PSMD1: variants seen among roughly 807,000 people sequenced by gnomAD.
The protein encoded by PSMD1 is 26S proteasome non-ATPase regulatory subunit 1.
In PSMD1, 18 loss-of-function variants were observed where a neutral mutation model predicts 119.0. The observed-to-expected ratio is 0.15, with a 90% CI of 0.10 to 0.22. PSMD1 has a LOEUF of 0.22. Among genes scored for constraint, PSMD1 ranks in the 10% least tolerant of loss-of-function variants. PSMD1 has a pLI of 1.00. For synonymous variants in PSMD1, 374 were observed against 396.6 expected (o/e 0.94, Z 0.68); for missense variants, 702 against 1,158.5 (o/e 0.61, Z 5.72).
At chr2:231,076,863 A>G (rs1241286237) in intron 8 of PSMD1, among the ~76,000 whole-genome samples, 171 bp from the exon 9 acceptor site, 1 of 152,222 alleles carries the variant, frequency 6.6e-6, no homozygotes, top group African/African-American at 2.4e-5. Context: ...GTATTCTTCC[A>G]TCAAGCTAGT....
chr2:231,120,539 G>A (rs531138794), intron 16 of PSMD1, among the ~76,000 whole-genome samples: 56 of 152,312 alleles, frequency 3.7e-4, no homozygotes, highest in Non-Finnish European at 6.3e-4. Context: ...TCATTTGAAA[G>A]ACAATGTTGT....
chr2:231,085,660 C>T (rs900478090), intron 15 of PSMD1, among the ~76,000 whole-genome samples: 3 of 151,242 alleles, frequency 2.0e-5, no homozygotes, highest in Non-Finnish European at 4.4e-5. Flanking sequence ...CCCCACACCC[C>T]GGGACCCCTA....
chr2:231,099,833 G>A (rs1378912400), intron 16 of PSMD1, among the ~76,000 whole-genome samples: 2 of 152,116 alleles, frequency 1.3e-5, no homozygotes, highest in African/African-American at 4.8e-5. Flanking sequence ...CGACCAAGGA[G>A]TAGTTCACTG....
At chr2:231,138,162 T>C (rs961008940) in intron 16 of PSMD1, among the ~76,000 whole-genome samples, 2 of 152,236 alleles carry the variant, frequency 1.3e-5, no homozygotes, top group Admixed American at 1.3e-4. Context: ...CTATTTTTTA[T>C]CTTGTTGCAA....
At chr2:231,063,517 T>TA (rs979345023) in intron 4 of PSMD1, among the ~76,000 whole-genome samples, 2 of 152,224 alleles carry the variant, frequency 1.3e-5, no homozygotes, top group African/African-American at 4.8e-5. Context: ...CTTGAACACT[T>TA]ACAAGGAGGA....
At chr2:231,160,914 A>C (rs1696623813) in intron 19 of PSMD1, among the ~76,000 whole-genome samples, 1 of 152,174 alleles carries the variant, frequency 6.6e-6, no homozygotes, top group African/African-American at 2.4e-5. Context: ...AGCACTTACA[A>C]ATCTTTATTA....
intron 9 of PSMD1, among the ~76,000 whole-genome samples, chr2:231,077,613 G>A (rs1694200741): frequency 6.6e-6 from 1 of 151,956 alleles, no homozygotes; most frequent in African/African-American, 2.4e-5. Flanking sequence ...ATCTCCTTGA[G>A]AGCAGCGATT....
intron 19 of PSMD1, among the ~76,000 whole-genome samples, chr2:231,160,092 T>C (rs909621969): frequency 2.0e-5 from 3 of 152,204 alleles, no homozygotes; most frequent in Non-Finnish European, 4.4e-5. Flanking sequence ...TTCCAGGCCA[T>C]ATATTCTCCC....
intron 23 of PSMD1, among the ~76,000 whole-genome samples, chr2:231,168,992 C>G (rs556929534): frequency 6.6e-6 from 1 of 152,152 alleles, no homozygotes; most frequent in Admixed American, 6.5e-5. Context: ...TTGCCTATAT[C>G]TACAGTTGTA....
chr2:231,161,316 C>G (rs923966180), intron 19 of PSMD1, 24 bp from the exon 20 acceptor site: 3 of 1,561,070 alleles, frequency 1.9e-6, no homozygotes, highest in Non-Finnish European at 2.6e-6. Flanking sequence ...TATTATTGTT[C>G]ATGGTTTCTC....
chr2:231,163,810 T>TAAAAC, intron 21 of PSMD1, 83 bp downstream of exon 21: 1 of 1,013,992 alleles, frequency 9.9e-7, no homozygotes, highest in Non-Finnish European at 1.5e-6. Flanking sequence ...AACTATCTTT[T>TAAAAC]ATGTTTTAAA....
chr2:231,143,997 A>AT (rs1559248630), intron 17 of PSMD1, among the ~76,000 whole-genome samples: 1 of 152,092 alleles, frequency 6.6e-6, no homozygotes, highest in African/African-American at 2.4e-5. Context: ...TTGTTTGTTT[A>AT]TTTTTTTGTC....
At chr2:231,103,573 T>C (rs922293557) in intron 16 of PSMD1, among the ~76,000 whole-genome samples, 1 of 152,248 alleles carries the variant, frequency 6.6e-6, no homozygotes, top group Non-Finnish European at 1.5e-5. Context: ...CTATCTCTTC[T>C]TTTCTCTTTT....
chr2:231,168,578 T>A lies in PSMD1; in HGVS notation c.2716-1988T>A, dbSNP rs147142122. Among the ~76,000 whole-genome samples, 192 of 152,314 alleles carry A rather than the reference T, an allele frequency of 1.3e-3. 1 individual carries two copies. The highest frequency in any genetic ancestry group is 4.3e-3 in the African/African-American group (180 of 41,574). Reference sequence around the variant, plus strand: ...ACTGCATATGGTCTGGTTCCCTTTATGTGAAACATTCAGAAAAGGCAAATC... The same window carrying A: ...ACTGCATATGGTCTGGTTCCCTTTAAGTGAAACATTCAGAAAAGGCAAATC... On this transcript the variant is annotated intron_variant, in intron 23 of 24. Coordinates refer to ENST00000308696, the MANE Select transcript of PSMD1 (RefSeq NM_002807.4).
intron 16 of PSMD1, among the ~76,000 whole-genome samples, chr2:231,105,547 C>T (rs1043225823): frequency 6.6e-6 from 1 of 151,690 alleles, no homozygotes; most frequent in Non-Finnish European, 1.5e-5. Flanking sequence ...CTGATATGGA[C>T]ATTTCTTAAA....
At chr2:231,102,386 T>TA (rs1694888845) in intron 16 of PSMD1, among the ~76,000 whole-genome samples, 2 of 152,306 alleles carry the variant, frequency 1.3e-5, no homozygotes, top group East Asian at 3.9e-4. Flanking sequence ...CCACAACTCT[T>TA]ACACTGTCGA....
At chr2:231,122,850 G>C (rs1045259839) in intron 16 of PSMD1, among the ~76,000 whole-genome samples, 5 of 151,988 alleles carry the variant, frequency 3.3e-5, no homozygotes, top group African/African-American at 1.2e-4. Context: ...ATTTCCTTCA[G>C]CAACTAAACA....
chr2:231,120,855 A>G (rs1296322429), intron 16 of PSMD1, among the ~76,000 whole-genome samples: 1 of 152,244 alleles, frequency 6.6e-6, no homozygotes. Context: ...TAACACTACA[A>G]TAAGAGTGTA....
At chr2:231,078,083 C>T (rs750075990) in intron 9 of PSMD1, among the ~76,000 whole-genome samples, 4 of 152,220 alleles carry the variant, frequency 2.6e-5, no homozygotes, top group Admixed American at 6.5e-5. Flanking sequence ...GCTTGGCCAA[C>T]ATGGTGAAAC....
Sources: gnomAD v4.1 joint callset for allele counts (sites outside exome capture counted in the v4.1 genomes callset) on GRCh38, gnomAD v4.1.1 for gene constraint, MANE v1.5 for transcripts, NCBI Gene and HGNC (gene_info 2026-07-23, HGNC 2026-07-21) for gene names.